The following RUNX1T1 variants were observed in gnomAD, a reference collection of about 807,000 sequenced individuals.
The protein encoded by RUNX1T1 is RUNX1 partner transcriptional co-repressor 1.
RUNX1T1 carries 4 observed loss-of-function variants against 62.8 expected under a neutral mutation model. The ratio of observed to expected loss-of-function variants is 0.06; its 90% CI spans 0.03 to 0.15. The LOEUF is 0.15. Among genes scored for constraint, RUNX1T1 ranks in the 10% least tolerant of loss-of-function variants. RUNX1T1 has a pLI of 1.00. For synonymous variants in RUNX1T1, 291 were observed against 286.0 expected (o/e 1.02, Z -0.18); for missense variants, 508 against 754.3 (o/e 0.67, Z 3.82).
chr8:91,993,277 C>A, intron 5 of RUNX1T1, among the ~76,000 whole-genome samples: 1 of 152,142 alleles, frequency 6.6e-6, no homozygotes, highest in East Asian at 1.9e-4. Flanking sequence ...TCAGGGGCAA[C>A]AGGATTCTAC....
intron 1 of RUNX1T1, among the ~76,000 whole-genome samples, chr8:92,042,597 C>T (rs1289826892): frequency 6.6e-6 from 1 of 152,188 alleles, no homozygotes; most frequent in Admixed American, 6.5e-5. Flanking sequence ...GAATTACAGG[C>T]ATGGGGCACC....
upstream of RUNX1T1, among the ~76,000 whole-genome samples, chr8:92,065,084 G>A (rs1174530804): frequency 6.6e-6 from 1 of 152,104 alleles, no homozygotes; most frequent in Non-Finnish European, 1.5e-5. Flanking sequence ...GGCAAGAAAA[G>A]CAGAACCCCA....
intron 1 of RUNX1T1, among the ~76,000 whole-genome samples, chr8:92,099,359 A>G (rs1837935972): frequency 1.3e-5 from 2 of 152,234 alleles, no homozygotes; most frequent in African/African-American, 4.8e-5. Context: ...CTTAAAAATT[A>G]ACTATGAATG....
intron 5 of RUNX1T1, among the ~76,000 whole-genome samples, chr8:92,000,796 AG>A (rs1281624443): frequency 6.6e-6 from 1 of 152,238 alleles, no homozygotes; most frequent in African/African-American, 2.4e-5. Flanking sequence ...ATAAAACCTC[AG>A]AATGTTATAC....
intron 10 of RUNX1T1, 35 bp downstream of exon 11, chr8:91,970,623 A>C: frequency 6.5e-7 from 1 of 1,541,262 alleles, no homozygotes; most frequent in Middle Eastern, 1.7e-4. Context: ...AATGAAAACT[A>C]TCTTGTTTAT....
Position 91,999,890 on chromosome 8 carries a change from G to A in RUNX1T1, c.659+5226C>T, listed in dbSNP as rs567064439. 5.3e-5 allele frequency among the ~76,000 whole-genome samples: 8 copies of A among 152,316 alleles called. No homozygotes were observed. In the South Asian group the frequency reaches 8.3e-4, roughly 16 times the overall value. On this transcript the variant is annotated intron_variant, in intron 5 of 10. Coordinates refer to ENST00000396218, the Ensembl canonical transcript of RUNX1T1. Reference sequence around the variant, plus strand: ...GCTGGAATAGAGACTAAGGCGTGAGGAGTATGCAGTAAAGTTAGACCCTAA... The same window carrying A: ...GCTGGAATAGAGACTAAGGCGTGAGAAGTATGCAGTAAAGTTAGACCCTAA...
intron 4 of RUNX1T1, chr8:92,006,266 T>C (rs1586949894): frequency 1.3e-5 from 2 of 152,192 alleles, no homozygotes; most frequent in Admixed American, 6.5e-5. Context: ...CTTTCTCTTA[T>C]TTTTATTATT....
intron 10 of RUNX1T1, among the ~76,000 whole-genome samples, chr8:91,968,301 T>C (rs907198300): frequency 2.0e-5 from 3 of 152,096 alleles, no homozygotes; most frequent in African/African-American, 7.2e-5. Context: ...TCGTAATAAT[T>C]ATATTGGGAC....
chr8:92,092,770 A>G (rs1405758500), intron 1 of RUNX1T1, among the ~76,000 whole-genome samples: 1 of 152,220 alleles, frequency 6.6e-6, no homozygotes, highest in East Asian at 1.9e-4. Flanking sequence ...TCTTAATTGC[A>G]TACTACCATT....
intron 10 of RUNX1T1, among the ~76,000 whole-genome samples, chr8:91,969,978 G>A (rs1418824818): frequency 1.3e-5 from 2 of 151,304 alleles, no homozygotes; most frequent in African/African-American, 4.9e-5. Context: ...TAGATATTGT[G>A]TTTTAGTTAC....
At chr8:92,050,035 A>C (rs1829998738) in intron 1 of RUNX1T1, among the ~76,000 whole-genome samples, 2 of 152,180 alleles carry the variant, frequency 1.3e-5, no homozygotes, top group Admixed American at 1.3e-4. Context: ...CACAATTTTC[A>C]TTCCAATTAA....
chr8:91,955,186 TAAACTA>T (rs1809174413), downstream of RUNX1T1: 1 of 217,322 alleles, frequency 4.6e-6, no homozygotes, highest in African/African-American at 2.3e-5. Context: ...ACTGTTCGCG[TAAACTA>T]AAACTGTTTC....
chr8:92,073,673 A>T (rs1834009589), intron 2 of RUNX1T1, among the ~76,000 whole-genome samples: 1 of 152,170 alleles, frequency 6.6e-6, no homozygotes, highest in African/African-American at 2.4e-5. Flanking sequence ...GGAAAAAAAA[A>T]TTAGGAGTAA....
chr8:92,014,433 T>A, intron 3 of RUNX1T1, 146 bp downstream of exon 4: 1 of 764,824 alleles, frequency 1.3e-6, no homozygotes, highest in South Asian at 2.5e-5. Context: ...AGACTGTCAC[T>A]ATAGCATGAA....
chr8:92,031,301 A>G (rs1826174288), intron 1 of RUNX1T1, among the ~76,000 whole-genome samples: 1 of 152,112 alleles, frequency 6.6e-6, no homozygotes, highest in Non-Finnish European at 1.5e-5. Context: ...TGTCCATTCA[A>G]CCCCTATTGT....
intron 8 of RUNX1T1, chr8:91,977,426 C>T: frequency 5.1e-6 from 1 of 194,850 alleles, no homozygotes; most frequent in East Asian, 8.2e-5. Flanking sequence ...AACGTTTTTA[C>T]TGAAGTAACT....
intron 2 of RUNX1T1, 54 bp from the exon 4 acceptor site, chr8:92,014,874 G>T: frequency 2.0e-6 from 3 of 1,505,230 alleles, no homozygotes; most frequent in Non-Finnish European, 2.7e-6. Flanking sequence ...GAACATGCAT[G>T]AGGAAATTGC....
intron 9 of RUNX1T1, chr8:91,971,066 T>G (rs1812730267): frequency 4.9e-6 from 2 of 411,152 alleles, no homozygotes; most frequent in South Asian, 1.8e-4. Context: ...TTTGTAGAAT[T>G]CTATAGAAGA....
At chr8:91,958,199 T>G (rs1809656477), downstream of RUNX1T1, 1 of 194,184 alleles carries the variant, frequency 5.1e-6, no homozygotes, top group Non-Finnish European at 1.1e-5. Context: ...AAACTTTGGT[T>G]GTCTACACAG....
Sources: gnomAD v4.1 joint callset for allele counts (sites outside exome capture counted in the v4.1 genomes callset) on GRCh38, gnomAD v4.1.1 for gene constraint, MANE v1.5 for transcripts, NCBI Gene and HGNC (gene_info 2026-07-23, HGNC 2026-07-21) for gene names.